SLC2A1: variants seen among roughly 807,000 people sequenced by gnomAD.
SLC2A1 encodes the protein solute carrier family 2, facilitated glucose transporter member 1.
A neutral mutation model predicts 46.6 loss-of-function variants in SLC2A1; 4 were observed. The observed-to-expected ratio is 0.09, with a 90% CI of 0.04 to 0.20. The LOEUF (loss-of-function observed/expected upper bound fraction) is 0.20. Among genes scored for constraint, SLC2A1 ranks in the 10% least tolerant of loss-of-function variants. The pLI is 1.00. For missense variants in SLC2A1, 352 were observed against 667.0 expected (o/e 0.53, Z 5.20); for synonymous variants, 253 against 270.0 (o/e 0.94, Z 0.62).
intron 1 of SLC2A1, among the ~76,000 whole-genome samples, chr1:42,944,117 C>T (rs1407771195): frequency 3.3e-5 from 5 of 152,282 alleles, no homozygotes; most frequent in Non-Finnish European, 5.9e-5. Context: ...CGGGAATGCA[C>T]TTTGGAAAAG....
At chr1:42,955,369 G>A (rs1643761215) in intron 1 of SLC2A1, among the ~76,000 whole-genome samples, 1 of 152,172 alleles carries the variant, frequency 6.6e-6, no homozygotes, top group Non-Finnish European at 1.5e-5. Context: ...AACACTTTGG[G>A]AGGCTGAAGT....
Position 42,930,995 on chromosome 1 carries a change from G to T in SLC2A1, c.275+51C>A, listed in dbSNP as rs376446400. On this transcript the variant is annotated intron_variant, in intron 3 of 9. Coordinates refer to ENST00000426263, the MANE Select transcript of SLC2A1 (RefSeq NM_006516.4). This position sits in a 1 kb window ranked among gnomAD's most constrained non-coding sequence, Gnocchi z 6.2. The stretch of plus-strand genomic sequence containing the variant: ...TCCCACCCCATCTGGGACTCCCTGG[G>T]CAGGAGGGCATGGGCCCTCCAAGGG... 1.2e-6 allele frequency: 2 copies of T among 1,610,608 alleles called. No individual in the cohort carries two copies. Among genetic ancestry groups the T allele is most frequent in the Non-Finnish European group, 8.5e-7 (1 of 1,177,724 alleles).
rs889586212 is a variant in SLC2A1 at position 42,930,257 on chromosome 1, G to A, written c.517-222C>T. 5 of 637,866 alleles carry A rather than the reference G, an allele frequency of 7.8e-6. No homozygotes were observed. The highest frequency in any genetic ancestry group is 2.7e-5 in the East Asian group (1 of 36,500). 39.5% of individuals were successfully genotyped at this position (637,866 alleles called of 1,614,324 possible). ...TGTTGCTGGGAGGACAAATGACAAG[G>A]CCACAGATGTGTCCAGCACAGAGAA... On this transcript the variant is annotated intron_variant, in intron 4 of 9. Coordinates refer to ENST00000426263, the MANE Select transcript of SLC2A1 (RefSeq NM_006516.4). The surrounding 1 kb of genome is among the most constrained non-coding windows in gnomAD (Gnocchi z 6.2).
intron 8 of SLC2A1, 47 bp downstream of exon 8, chr1:42,928,885 A>C: frequency 6.5e-7 from 1 of 1,542,480 alleles, no homozygotes; most frequent in Non-Finnish European, 9.0e-7. Flanking sequence ...TATGAAGCCC[A>C]GGCAAACTCT....
intron 1 of SLC2A1, among the ~76,000 whole-genome samples, chr1:42,951,388 T>C (rs887450068): frequency 6.6e-6 from 1 of 152,130 alleles, no homozygotes; most frequent in Non-Finnish European, 1.5e-5. Flanking sequence ...GTACATATTG[T>C]GTAAGGAACA....
At chr1:42,947,277 A>T (rs1643666322) in intron 1 of SLC2A1, among the ~76,000 whole-genome samples, 1 of 152,124 alleles carries the variant, frequency 6.6e-6, no homozygotes, top group African/African-American at 2.4e-5. Context: ...GTGGGGAGCA[A>T]TGTACAGCCC....
chr1:42,958,240 T>G (rs1384258760), intron 1 of SLC2A1, among the ~76,000 whole-genome samples: 1 of 150,936 alleles, frequency 6.6e-6, no homozygotes, highest in Non-Finnish European at 1.5e-5. Flanking sequence ...GGCGCCGCGC[T>G]CGGGCCCCCT....
chr1:42,947,158 C>A (rs1305478861), intron 1 of SLC2A1, among the ~76,000 whole-genome samples: 1 of 152,136 alleles, frequency 6.6e-6, no homozygotes, highest in East Asian at 1.9e-4. Flanking sequence ...ATTCACTCAA[C>A]GTGTATTTAT....
At chr1:42,943,654 A>G (rs1164256946) in intron 1 of SLC2A1, among the ~76,000 whole-genome samples, 1 of 152,038 alleles carries the variant, frequency 6.6e-6, no homozygotes, top group African/African-American at 2.4e-5. Context: ...TGGTGGTTCT[A>G]GACTCTCTGA....
chr1:42,945,801 CG>C (rs778340950), intron 1 of SLC2A1, among the ~76,000 whole-genome samples: 1 of 151,630 alleles, frequency 6.6e-6, no homozygotes, highest in Non-Finnish European at 1.5e-5. Context: ...ATTCTAACCC[CG>C]GGGGGGCCTG....
In SLC2A1 at chr1:42,930,369, C is replaced by A. The variant is rs906890655; in HGVS notation, c.516+257G>T. ...AGAGGGTACTGTGCATAACAGCCTGCGGCATGTTGGGGGAAGGCGGGCCCT... is the reference window on the plus strand; with the variant it reads ...AGAGGGTACTGTGCATAACAGCCTGAGGCATGTTGGGGGAAGGCGGGCCCT... On this transcript the variant is annotated intron_variant, in intron 4 of 9. Coordinates refer to ENST00000426263, the MANE Select transcript of SLC2A1 (RefSeq NM_006516.4). The surrounding 1 kb of genome is among the most constrained non-coding windows in gnomAD (Gnocchi z 6.2). 5.9e-6 allele frequency: 4 copies of A among 677,372 alleles called. No homozygotes were observed. The highest frequency in any genetic ancestry group is 5.4e-6 in the Non-Finnish European group (2 of 371,034). The allele number at this position is 677,372 out of a possible 1,614,324, so 42.0% of individuals were successfully genotyped here. A position where few individuals can be genotyped will look rare whatever the true frequency, so the allele number is the denominator to read the frequency against.
At chr1:42,947,239 G>A (rs557828649) in intron 1 of SLC2A1, among the ~76,000 whole-genome samples, 270 of 152,256 alleles carry the variant, frequency 1.8e-3, no homozygotes, top group African/African-American at 6.3e-3. Flanking sequence ...TAGAGCTTGT[G>A]ATTTTCTTGT....
At chr1:42,931,284 C>T in intron 2 of SLC2A1, 78 bp from the exon 3 acceptor site, 1 of 1,463,240 alleles carries the variant, frequency 6.8e-7, no homozygotes. Flanking sequence ...CCTTGCACCC[C>T]TCCCTAAGAG....
At chr1:42,951,914 A>G (rs1643725528) in intron 1 of SLC2A1, 1 of 405,804 alleles carries the variant, frequency 2.5e-6, no homozygotes, top group Non-Finnish European at 4.3e-6. Flanking sequence ...AACAGGTCCA[A>G]TCTTCCATAA....
chr1:42,956,646 G>A (rs1643780345), intron 1 of SLC2A1, among the ~76,000 whole-genome samples: 2 of 152,098 alleles, frequency 1.3e-5, no homozygotes, highest in South Asian at 4.1e-4. Context: ...TGAAAGAGGT[G>A]TTCCAACATT....
In SLC2A1 at chr1:42,930,903, T is replaced by C. The variant is rs776166567; in HGVS notation, c.276-37A>G. On this transcript the variant is annotated intron_variant, in intron 3 of 9. Coordinates refer to ENST00000426263, the MANE Select transcript of SLC2A1 (RefSeq NM_006516.4). The surrounding 1 kb of genome is among the most constrained non-coding windows in gnomAD (Gnocchi z 6.2). Reference sequence around the variant, plus strand: ...GTCACAGGTCAGGCCAGTGCCCACATTCCTTGGGCTCCGAGGGGCTGGGTC... The same window carrying C: ...GTCACAGGTCAGGCCAGTGCCCACACTCCTTGGGCTCCGAGGGGCTGGGTC... 3.1e-6 allele frequency: 5 copies of C among 1,602,726 alleles called. No homozygotes were observed. The highest frequency in any genetic ancestry group is 4.2e-6 in the Non-Finnish European group (5 of 1,179,844).
chr1:42,953,515 G>A lies in SLC2A1; in HGVS notation c.18+5119C>T, dbSNP rs549826416. Among the ~76,000 whole-genome samples the A allele has an allele frequency of 9.2e-5, 14 of 152,332 alleles. No individual in the cohort carries two copies. The South Asian group carries it at 1.2e-3, about 14-fold the overall frequency. On this transcript the variant is annotated intron_variant, in intron 1 of 9. Transcript: ENST00000426263. ...TCCCAGCCTCCGCCATCATGGGGAC[G>A]TCGGTTACCAGACTGCAGACTGAGT...
intron 1 of SLC2A1, among the ~76,000 whole-genome samples, chr1:42,953,627 C>T (rs1281382237): frequency 6.6e-6 from 1 of 152,252 alleles, no homozygotes; most frequent in Non-Finnish European, 1.5e-5. Flanking sequence ...ACACTTTCCT[C>T]TTTGTTCCAG....
In SLC2A1 at chr1:42,929,828, G is replaced by T; in HGVS notation, c.679+45C>A. 6.2e-7 allele frequency: 1 copy of T among 1,614,126 alleles called. No individual in the cohort carries two copies. The highest frequency in any genetic ancestry group is 8.5e-7 in the Non-Finnish European group (1 of 1,179,956). On this transcript the variant is annotated intron_variant, in intron 5 of 9. Transcript: ENST00000426263. This position sits in a 1 kb window ranked among gnomAD's most constrained non-coding sequence, Gnocchi z 6.0. ...GAGGGTGGCTCAGAGTGGGAAGAAG[G>T]CCAGGGCTCAGGGAGTGGGGAGGAG...
Sources: allele counts gnomAD v4.1 joint callset (sites outside exome capture counted in the v4.1 genomes callset), GRCh38; gene constraint gnomAD v4.1.1; non-coding constraint Gnocchi (gnomAD v3.1); transcripts MANE v1.5; gene names NCBI Gene and HGNC (gene_info 2026-07-23, HGNC 2026-07-21).